The following TMPRSS11A variants were observed in gnomAD, a reference collection of about 807,000 sequenced individuals.
TMPRSS11A encodes the protein transmembrane serine protease 11A.
TMPRSS11A carries 53 observed loss-of-function variants against 58.9 expected under a neutral mutation model. The ratio of observed to expected loss-of-function variants is 0.90; its 90% CI spans 0.72 to 1.13. The LOEUF is 1.13. Ranked by LOEUF, TMPRSS11A falls within the 50% of genes most tolerant of loss-of-function variation. The probability of loss-of-function intolerance (pLI) is 0.00; values close to 1 mark genes in which losing one functional copy is unlikely to be tolerated. For missense variants in TMPRSS11A, 493 were observed against 499.3 expected (o/e 0.99, Z 0.12); for synonymous variants, 167 against 169.8 (o/e 0.98, Z 0.13).
chr4:67,915,742 A>G (rs1239118223), intron 8 of TMPRSS11A, among the ~76,000 whole-genome samples: 1 of 152,152 alleles, frequency 6.6e-6, no homozygotes, highest in Non-Finnish European at 1.5e-5. Context: ...GCAAACCTTG[A>G]GGAGACCTTC....
At chr4:67,937,771 C>T (rs1164260282) in intron 3 of TMPRSS11A, among the ~76,000 whole-genome samples, 1 of 151,930 alleles carries the variant, frequency 6.6e-6, no homozygotes, top group Non-Finnish European at 1.5e-5. Context: ...GATATATATA[C>T]ATATATATCT....
chr4:67,941,459 C>G (rs1361832927), intron 3 of TMPRSS11A, among the ~76,000 whole-genome samples: 1 of 152,126 alleles, frequency 6.6e-6, no homozygotes, highest in Non-Finnish European at 1.5e-5. Flanking sequence ...ACTTACTGTC[C>G]TCAACATGTA....
At chr4:67,920,245 G>A (rs1720283239) in intron 7 of TMPRSS11A, among the ~76,000 whole-genome samples, 1 of 152,086 alleles carries the variant, frequency 6.6e-6, no homozygotes, top group African/African-American at 2.4e-5. Context: ...GGAAAATAAA[G>A]CCTGGATAGG....
intron 9 of TMPRSS11A, among the ~76,000 whole-genome samples, chr4:67,913,144 T>C (rs899052576): frequency 6.6e-5 from 10 of 152,306 alleles, no homozygotes; most frequent in Admixed American, 4.6e-4. Flanking sequence ...AGAAACCAGA[T>C]TGGAAGCTCT....
intron 8 of TMPRSS11A, 95 bp from the exon 9 acceptor site, chr4:67,914,825 A>G (rs535319381): frequency 7.7e-5 from 84 of 1,088,650 alleles, no homozygotes; most frequent in Admixed American, 1.4e-4. Context: ...TCATGGTAAA[A>G]TTGTCAATAC....
intron 3 of TMPRSS11A, among the ~76,000 whole-genome samples, chr4:67,943,548 CTT>C (rs1720930260): frequency 6.6e-6 from 1 of 152,096 alleles, no homozygotes; most frequent in Admixed American, 6.6e-5. Context: ...CCTAGCATAA[CTT>C]AAGAACTGAT....
intron 5 of TMPRSS11A, among the ~76,000 whole-genome samples, chr4:67,925,005 G>T (rs1164304860): frequency 3.4e-5 from 5 of 145,262 alleles, no homozygotes; most frequent in Non-Finnish European, 6.0e-5. Context: ...AAAGGGTTTA[G>T]AATGAAAAAA....
At chr4:67,911,617 A>G in intron 9 of TMPRSS11A, 114 bp from the exon 10 acceptor site, 2 of 637,862 alleles carry the variant, frequency 3.1e-6, no homozygotes, top group South Asian at 3.4e-5. Context: ...TGTATAGACT[A>G]TCAACACAGA....
intron 1 of TMPRSS11A, among the ~76,000 whole-genome samples, chr4:67,958,387 C>A (rs1012187839): frequency 6.6e-6 from 1 of 152,208 alleles, no homozygotes; most frequent in Non-Finnish European, 1.5e-5. Context: ...GGGAACCCAC[C>A]TTTTGCATCA....
chr4:67,958,733 T>A (rs1721350846), intron 1 of TMPRSS11A, among the ~76,000 whole-genome samples: 1 of 152,126 alleles, frequency 6.6e-6, no homozygotes, highest in Non-Finnish European at 1.5e-5. Flanking sequence ...ACATGAGATT[T>A]GGGTGGGGCC....
intron 3 of TMPRSS11A, among the ~76,000 whole-genome samples, chr4:67,938,156 A>T (rs192595521): frequency 6.6e-6 from 1 of 152,278 alleles, no homozygotes; most frequent in Non-Finnish European, 1.5e-5. Context: ...ATAATTAGTG[A>T]TGTGGAGCAT....
At chr4:67,916,775 C>T (rs536298450) in intron 8 of TMPRSS11A, among the ~76,000 whole-genome samples, 1 of 151,766 alleles carries the variant, frequency 6.6e-6, no homozygotes, top group South Asian at 2.1e-4. Context: ...TGCAGTGAGC[C>T]GAGATCACGC....
At position 67,955,341 on chromosome 4, in the gene TMPRSS11A, T is replaced by G. The variant is rs138751442; in HGVS notation, c.11+8042A>C. Among the ~76,000 whole-genome samples the G allele has an allele frequency of 3.3e-5, 5 of 152,346 alleles. 1 individual carries two copies. Among genetic ancestry groups the G allele is most frequent in the African/African-American group, 7.2e-5 (3 of 41,588 alleles). ...AGGTAGTGCTTAACATTATGCAGTA[T>G]TCGTGTGTGTTTATGTTTGCACGTG... On this transcript the variant is annotated intron_variant, in intron 1 of 9. Transcript: ENST00000508048.
intron 3 of TMPRSS11A, among the ~76,000 whole-genome samples, chr4:67,932,527 C>G (rs952828217): frequency 2.6e-5 from 4 of 152,116 alleles, no homozygotes; most frequent in African/African-American, 9.7e-5. Context: ...GTTACTGAAT[C>G]AATTTGAGCC....
intron 5 of TMPRSS11A, among the ~76,000 whole-genome samples, chr4:67,928,821 G>T (rs1431341481): frequency 6.6e-6 from 1 of 152,200 alleles, no homozygotes; most frequent in Non-Finnish European, 1.5e-5. Context: ...CCTGTTTCAT[G>T]TCTGATAAAA....
intron 6 of TMPRSS11A, among the ~76,000 whole-genome samples, chr4:67,923,571 A>G (rs147749071): frequency 0.014 from 2,207 of 152,222 alleles, 63 homozygotes; most frequent in African/African-American, 0.051. Flanking sequence ...CAGTGGTGCA[A>G]TCTTGGCTCA....
chr4:67,919,176 A>G lies in TMPRSS11A; in HGVS notation c.749T>C (p.Leu250Ser). Reference sequence around the variant, plus strand: ...AAATCTTCTGACATTTCTTTTCATTAAGGGAGGGTTGATTTTTGTTCCAAA... The same window carrying G: ...AAATCTTCTGACATTTCTTTTCATTGAGGGAGGGTTGATTTTTGTTCCAAA... Reference protein sequence around the residue: ...VSFGTKINPPLMKRNVRRFII... With the variant: ...VSFGTKINPPSMKRNVRRFII... The change falls in exon 8 of 10, where the codon TTA becomes TCA. Residue 250 changes from leucine to serine, a missense_variant. Physicochemically the swap from Leu to Ser is moderately radical, Grantham distance 145 (BLOSUM62 -2). Coordinates refer to ENST00000508048, the MANE Select transcript of TMPRSS11A (RefSeq NM_001114387.2). The G allele has an allele frequency of 2.5e-6, 4 of 1,614,142 alleles. No homozygotes were observed. Among genetic ancestry groups the G allele is most frequent in the Non-Finnish European group, 3.4e-6 (4 of 1,179,986 alleles).
At chr4:67,962,996 G>A (rs2109777530) in intron 1 of TMPRSS11A, among the ~76,000 whole-genome samples, 1 of 152,270 alleles carries the variant, frequency 6.6e-6, no homozygotes, top group South Asian at 2.1e-4. Context: ...CAGCGAAAGA[G>A]AAAACGCTAT....
intron 7 of TMPRSS11A, among the ~76,000 whole-genome samples, chr4:67,920,481 C>A (rs1187489097): frequency 6.8e-6 from 1 of 146,126 alleles, no homozygotes; most frequent in Non-Finnish European, 1.5e-5. Context: ...GAATAAGAAC[C>A]AATGTGGTAG....
Sources: allele counts gnomAD v4.1 joint callset (sites outside exome capture counted in the v4.1 genomes callset), GRCh38; gene constraint gnomAD v4.1.1; transcripts MANE v1.5; gene names NCBI Gene and HGNC (gene_info 2026-07-23, HGNC 2026-07-21).